Variants in NELL1 observed in about 807,000 individuals in gnomAD.
NELL1 encodes the protein protein kinase C-binding protein NELL1.
A neutral mutation model predicts 107.4 loss-of-function variants in NELL1; 76 were observed. The ratio of observed to expected loss-of-function variants is 0.71; its 90% confidence interval spans 0.59 to 0.86. The LOEUF (loss-of-function observed/expected upper bound fraction) is 0.86. Ranked by LOEUF, NELL1 falls within the 40% of genes least tolerant of loss-of-function variation. The pLI is 0.00. For synonymous variants in NELL1, 353 were observed against 341.2 expected (o/e 1.03, Z -0.38); for missense variants, 1,024 against 1,005.5 (o/e 1.02, Z -0.25).
Position 21,133,126 on chromosome 11 carries a change from G to A in NELL1, c.1426+19412G>A, listed in dbSNP as rs146315980. On this transcript the variant is annotated intron_variant, in intron 13 of 19. Transcript: ENST00000357134. ...TCATCCCAACAAGTGTCCAGCTTAA[G>A]AGAAGACCTGTGGTGGGTAGCTTCT... is the stretch of plus-strand genomic sequence containing the variant. Among the ~76,000 whole-genome samples the A allele has an allele frequency of 2.2e-3, 329 of 152,214 alleles. 2 individuals carry two copies. The highest frequency in any genetic ancestry group is 7.4e-3 in the African/African-American group (307 of 41,532).
chr11:20,994,475 G>A lies in NELL1; in HGVS notation c.1300+33915G>A, dbSNP rs192601144. ...GATTCAAAGAGCAGAAAGTCAATCA[G>A]CTAAAAGCTATACTTTGACATCCAC... On this transcript the variant is annotated intron_variant, in intron 12 of 19. Transcript: ENST00000357134. Among the ~76,000 whole-genome samples the A allele has an allele frequency of 3.3e-5, 5 of 152,282 alleles. No homozygotes were observed. In the East Asian group the frequency reaches 9.6e-4, roughly 29 times the overall value.
intron 5 of NELL1, among the ~76,000 whole-genome samples, chr11:20,910,247 C>A (rs183898153): frequency 3.3e-4 from 51 of 152,278 alleles, no homozygotes; most frequent in Admixed American, 3.0e-3. Context: ...AGTAGATGTT[C>A]ACAAGACCCT....
At chr11:21,098,720 T>G (rs1028087120) in intron 12 of NELL1, among the ~76,000 whole-genome samples, 1 of 152,058 alleles carries the variant, frequency 6.6e-6, no homozygotes, top group African/African-American at 2.4e-5. Context: ...CTCTGGCCCA[T>G]TTTTTTACTC....
intron 14 of NELL1, among the ~76,000 whole-genome samples, chr11:21,342,656 AAAGAAAAAGAAAAAG>A (rs1203870538): frequency 1.4e-5 from 2 of 141,444 alleles, no homozygotes; most frequent in African/African-American, 5.1e-5. Context: ...AAAAAAAAAA[AAAGAAAAAGAAAAAG>A]AAAAGAAAGA....
rs1472146165 is a variant in NELL1, at chr11:20,986,808, A to T, written c.1300+26248A>T. The stretch of plus-strand genomic sequence containing the variant: ...ATTGTACATGCTTTCAACTACAATG[A>T]TGGGAAAATATAGCACTCTTTAAGA... On this transcript the variant is annotated intron_variant, in intron 12 of 19. Transcript: ENST00000357134. Among the ~76,000 whole-genome samples the T allele has an allele frequency of 2.0e-5, 3 of 152,112 alleles. No homozygotes were observed. The South Asian group carries it at 6.2e-4, about 32-fold the overall frequency.
intron 13 of NELL1, among the ~76,000 whole-genome samples, chr11:21,152,986 T>A (rs999975676): frequency 6.6e-6 from 1 of 152,162 alleles, no homozygotes; most frequent in African/African-American, 2.4e-5. Context: ...TTACATCACC[T>A]CTTAGCACCT....
At chr11:21,105,589 C>A (rs1308655075) in intron 12 of NELL1, among the ~76,000 whole-genome samples, 1 of 152,134 alleles carries the variant, frequency 6.6e-6, no homozygotes, top group Non-Finnish European at 1.5e-5. Context: ...CAGCTGCCAG[C>A]ATTTGCCCGT....
chr11:21,313,127 A>G (rs953421509), intron 14 of NELL1, among the ~76,000 whole-genome samples: 2 of 152,120 alleles, frequency 1.3e-5, no homozygotes, highest in Non-Finnish European at 2.9e-5. Context: ...GTCAGCTGTC[A>G]TTTAGGATTT....
chr11:20,982,998 T>C (rs929675232), intron 12 of NELL1, among the ~76,000 whole-genome samples: 1 of 152,202 alleles, frequency 6.6e-6, no homozygotes, highest in Non-Finnish European at 1.5e-5. Flanking sequence ...TTTTAAGATC[T>C]GATTTTCATT....
chr11:21,574,797 C>T (rs578131318), intron 19 of NELL1, among the ~76,000 whole-genome samples, 175 bp from the exon 20 acceptor site: 2 of 151,892 alleles, frequency 1.3e-5, no homozygotes, highest in South Asian at 2.1e-4. Context: ...GTCAGTCCTT[C>T]CTTTCTTTCT....
intron 13 of NELL1, among the ~76,000 whole-genome samples, chr11:21,144,370 G>C (rs1855930438): frequency 6.6e-6 from 1 of 152,126 alleles, no homozygotes; most frequent in African/African-American, 2.4e-5. Flanking sequence ...CTAATTTGAG[G>C]TATGTGAAAT....
chr11:21,446,192 T>A (rs1289459852), intron 15 of NELL1, among the ~76,000 whole-genome samples: 3 of 152,120 alleles, frequency 2.0e-5, no homozygotes, highest in Admixed American at 6.6e-5. Flanking sequence ...CTTGATTTTT[T>A]AAAATTATTT....
chr11:20,686,439 T>C (rs1854306582), intron 2 of NELL1, among the ~76,000 whole-genome samples: 1 of 152,162 alleles, frequency 6.6e-6, no homozygotes, highest in Admixed American at 6.6e-5. Flanking sequence ...AAATTAAATT[T>C]AACAGAATTT....
At chr11:20,904,460 G>T (rs1849948699) in intron 5 of NELL1, among the ~76,000 whole-genome samples, 1 of 152,082 alleles carries the variant, frequency 6.6e-6, no homozygotes, top group African/African-American at 2.4e-5. Context: ...CAAACACCAT[G>T]TGTCTGCCTG....
In NELL1 at chr11:21,072,269, C is replaced by T. The variant is rs959226766; in HGVS notation, c.1301-41320C>T. On this transcript the variant is annotated intron_variant, in intron 12 of 19. Coordinates refer to ENST00000357134, the MANE Select transcript of NELL1 (RefSeq NM_006157.5). ...ATTATTAAGCACAAGCGCAATGGCC[C>T]GAAATAGAATTGCTGAGTGCTTATA... Among the ~76,000 whole-genome samples the T allele has an allele frequency of 5.9e-5, 9 of 151,866 alleles. No individual in the cohort carries two copies. In the East Asian group the frequency reaches 7.7e-4, roughly 13 times the overall value.
At position 21,441,332 on chromosome 11, in the gene NELL1, TGTGTGTGTGTGTGTGTGTGTG is replaced by T. The variant is rs1853279226; in HGVS notation, c.1645+70385_1645+70405del. 2.6e-3 allele frequency among the ~76,000 whole-genome samples: 267 copies of T among 104,194 alleles called. 1 individual carries two copies. The highest frequency in any genetic ancestry group is 6.7e-3 in the African/African-American group (249 of 37,020). 68.4% of individuals were successfully genotyped at this position (104,194 alleles called of 152,430 possible). A position where few individuals can be genotyped will look rare whatever the true frequency, so the allele number is the denominator to read the frequency against. On this transcript the variant is annotated intron_variant, in intron 15 of 19. Transcript: ENST00000357134. ...TATTCTTTACTCTGAGGCTGTGACGTGTGTGTGTGTGTGTGTGTGTGTGTGTGTGTGTGTGTGTGTGTGTGT... is the reference window on the plus strand; with the variant it reads ...TATTCTTTACTCTGAGGCTGTGACGTTGTGTGTGTGTGTGTGTGTGTGTGT...
chr11:21,420,081 G>T (rs1485040956), intron 15 of NELL1, among the ~76,000 whole-genome samples: 1 of 151,818 alleles, frequency 6.6e-6, no homozygotes, highest in Non-Finnish European at 1.5e-5. Flanking sequence ...TGTTTGAATG[G>T]ATACAAAAAC....
At chr11:21,391,426 C>G (rs1165479084) in intron 15 of NELL1, among the ~76,000 whole-genome samples, 1 of 151,650 alleles carries the variant, frequency 6.6e-6, no homozygotes, top group African/African-American at 2.4e-5. Context: ...AAAAATGTCC[C>G]CTACATCTTC....
intron 12 of NELL1, among the ~76,000 whole-genome samples, chr11:20,962,277 T>G (rs1293022098): frequency 6.6e-6 from 1 of 152,144 alleles, no homozygotes. Flanking sequence ...ATCAGAAAAT[T>G]TAAGTAATTT....
Sources: gnomAD v4.1 joint callset for allele counts (sites outside exome capture counted in the v4.1 genomes callset) on GRCh38, gnomAD v4.1.1 for gene constraint, MANE v1.5 for transcripts, NCBI Gene and HGNC (gene_info 2026-07-23, HGNC 2026-07-21) for gene names.